CLYBL: variants seen among roughly 807,000 people sequenced by gnomAD.
The protein encoded by CLYBL is citramalyl-CoA lyase, also known as citramalyl-CoA lyase, mitochondrial.
CLYBL carries 31 observed loss-of-function variants against 38.9 expected under a neutral mutation model. The ratio of observed to expected loss-of-function variants is 0.80; its 90% CI spans 0.60 to 1.08. The LOEUF is 1.08. Ranked by LOEUF, CLYBL falls within the 50% of genes least tolerant of loss-of-function variation. The pLI, the probability that CLYBL is intolerant of heterozygous loss-of-function variation, is 0.00. For synonymous variants in CLYBL, 171 were observed against 158.6 expected (o/e 1.08, Z -0.59); for missense variants, 434 against 411.6 (o/e 1.05, Z -0.47).
chr13:99,624,192 A>G (rs1315174600), intron 1 of CLYBL, among the ~76,000 whole-genome samples: 1 of 152,124 alleles, frequency 6.6e-6, no homozygotes, highest in East Asian at 1.9e-4. Flanking sequence ...ACCAGCCACG[A>G]ATGTGTGCAT....
intron 1 of CLYBL, among the ~76,000 whole-genome samples, chr13:99,682,146 T>C (rs1355471422): frequency 6.6e-6 from 1 of 152,032 alleles, no homozygotes; most frequent in East Asian, 1.9e-4. Flanking sequence ...TTTCTTTTCT[T>C]TTCTTTTTTT....
At chr13:99,673,432 G>A in intron 1 of CLYBL, among the ~76,000 whole-genome samples, 1 of 151,854 alleles carries the variant, frequency 6.6e-6, no homozygotes, top group Non-Finnish European at 1.5e-5. Context: ...AAAAGAAATG[G>A]TGCGACAGGG....
chr13:99,805,934 T>G (rs905195137), intron 2 of CLYBL, among the ~76,000 whole-genome samples: 2 of 152,212 alleles, frequency 1.3e-5, no homozygotes, highest in Non-Finnish European at 1.5e-5. Flanking sequence ...TTGTATTTAT[T>G]ATTTTAACAG....
chr13:99,766,788 G>A (rs1403605886), intron 1 of CLYBL, among the ~76,000 whole-genome samples: 5 of 152,152 alleles, frequency 3.3e-5, no homozygotes, highest in Non-Finnish European at 7.3e-5. Flanking sequence ...TCCTGAATGG[G>A]GGAGGTCCCC....
chr13:99,674,614 G>A (rs187505691), intron 1 of CLYBL, among the ~76,000 whole-genome samples: 57 of 152,190 alleles, frequency 3.7e-4, no homozygotes, highest in African/African-American at 1.3e-3. Context: ...GTCACACCCC[G>A]TTTCCCCACG....
chr13:99,688,917 C>T (rs2047858232), intron 1 of CLYBL, among the ~76,000 whole-genome samples: 1 of 152,190 alleles, frequency 6.6e-6, no homozygotes, highest in African/African-American at 2.4e-5. Context: ...TGAAATTACT[C>T]AGCACCGTCA....
At chr13:99,901,645 G>GTTTTTTTTT (rs57853480), downstream of CLYBL, among the ~76,000 whole-genome samples, 10 of 127,120 alleles carry the variant, frequency 7.9e-5, no homozygotes, top group Non-Finnish European at 9.9e-5. Flanking sequence ...GGATTTTTTT[G>GTTTTTTTTT]TTTTTTTTTT....
rs60423320 is a variant in CLYBL at position 99,849,423 on chromosome 13, G to T, written c.250-9438G>T. 8.4e-3 allele frequency among the ~76,000 whole-genome samples: 1,283 copies of T among 152,268 alleles called. 16 individuals carry two copies. Among genetic ancestry groups the T allele is most frequent in the African/African-American group, 0.029 (1,214 of 41,534 alleles). On this transcript the variant is annotated intron_variant, in intron 2 of 8. Transcript: ENST00000339105. This position sits in a 1 kb window ranked among gnomAD's most constrained non-coding sequence, Gnocchi z 4.9. ...AGCTACTCAGGAGGCCAAGGCGAGC[G>T]GATTGCTGGGGCCTAGGAGTTCGAG...
chr13:99,837,693 T>C (rs1485232800), intron 2 of CLYBL, among the ~76,000 whole-genome samples: 1 of 151,440 alleles, frequency 6.6e-6, no homozygotes, highest in Non-Finnish European at 1.5e-5. Context: ...GTCTTTCTTC[T>C]CTGTGCTTTG....
At chr13:99,905,563 A>T (rs1478846491) in intron 9 of CLYBL, among the ~76,000 whole-genome samples, 1 of 151,962 alleles carries the variant, frequency 6.6e-6, no homozygotes, top group South Asian at 2.1e-4. Context: ...TGTTCCAATT[A>T]TTCTTCATTA....
At chr13:99,775,059 G>C (rs372075245) in intron 2 of CLYBL, among the ~76,000 whole-genome samples, 1 of 152,170 alleles carries the variant, frequency 6.6e-6, no homozygotes, top group African/African-American at 2.4e-5. Context: ...CCTGGGAGTA[G>C]CTTGATTTCC....
chr13:99,757,211 A>AT (rs1294918272), intron 1 of CLYBL, among the ~76,000 whole-genome samples: 1 of 151,958 alleles, frequency 6.6e-6, no homozygotes, highest in Non-Finnish European at 1.5e-5. Flanking sequence ...AGTGTTATAT[A>AT]TTTTTTTAAT....
chr13:99,871,256 C>T (rs1211280900), intron 7 of CLYBL, among the ~76,000 whole-genome samples, 194 bp downstream of exon 7: 1 of 152,154 alleles, frequency 6.6e-6, no homozygotes, highest in East Asian at 1.9e-4. Context: ...CTAAATACTT[C>T]ACTAACTGGC....
chr13:99,620,602 C>G (rs141389004), intron 1 of CLYBL, among the ~76,000 whole-genome samples: 6 of 152,218 alleles, frequency 3.9e-5, no homozygotes, highest in Middle Eastern at 3.4e-3. Context: ...ATGATAAAAC[C>G]CTGTCTCTAC....
chr13:99,617,394 G>T (rs2046727856), intron 1 of CLYBL, among the ~76,000 whole-genome samples: 1 of 152,060 alleles, frequency 6.6e-6, no homozygotes, highest in South Asian at 2.1e-4. Flanking sequence ...TGGAAGTAGT[G>T]CAGGCTTGTT....
At chr13:99,839,949 C>T (rs2139116618) in intron 2 of CLYBL, among the ~76,000 whole-genome samples, 1 of 144,658 alleles carries the variant, frequency 6.9e-6, no homozygotes, top group African/African-American at 2.6e-5. Flanking sequence ...TAACCAACCC[C>T]ACTTCCCCAC....
At chr13:99,843,988 G>T (rs2051142247) in intron 2 of CLYBL, among the ~76,000 whole-genome samples, 1 of 152,234 alleles carries the variant, frequency 6.6e-6, no homozygotes, top group Non-Finnish European at 1.5e-5. Flanking sequence ...TGCGGATCAT[G>T]TCGAGCATAA....
chr13:99,619,980 TCTC>T (rs2046768811), intron 1 of CLYBL, among the ~76,000 whole-genome samples: 1 of 152,170 alleles, frequency 6.6e-6, no homozygotes, highest in Middle Eastern at 3.2e-3. Context: ...TTTACCGCCT[TCTC>T]CTGACATTAA....
At chr13:99,857,985 C>G (rs1362834072) in intron 2 of CLYBL, among the ~76,000 whole-genome samples, 1 of 152,132 alleles carries the variant, frequency 6.6e-6, no homozygotes, top group Non-Finnish European at 1.5e-5. Context: ...CTGAAATTGG[C>G]AGGAAGTAAT....
Sources: gnomAD v4.1 joint callset for allele counts (sites outside exome capture counted in the v4.1 genomes callset) on GRCh38, gnomAD v4.1.1 for gene constraint, Gnocchi (gnomAD v3.1) non-coding constraint, MANE v1.5 for transcripts, NCBI Gene and HGNC (gene_info 2026-07-23, HGNC 2026-07-21) for gene names.